CAMK1D: variants seen among roughly 807,000 people sequenced by gnomAD.
The protein encoded by CAMK1D is calcium/calmodulin-dependent protein kinase type 1D.
Under a neutral mutation model 47.7 loss-of-function variants are expected in CAMK1D, and 9 were observed. The observed-to-expected ratio is 0.19, with a 90% CI of 0.11 to 0.33. CAMK1D has a LOEUF of 0.33. CAMK1D is among the 10% of genes least tolerant of loss of function. The probability of loss-of-function intolerance (pLI) is 1.00; values close to 1 mark genes in which losing one functional copy is unlikely to be tolerated. For missense variants in CAMK1D, 291 were observed against 488.7 expected, an observed-to-expected ratio of 0.60 and a Z score of 3.81; for synonymous variants, 184 against 184.9, an observed-to-expected ratio of 0.99 and a Z score of 0.04.
At chr10:12,828,682 A>AAC in intron 10 of CAMK1D, 87 bp from the exon 11 acceptor site, 1 of 1,098,694 alleles carries the variant, frequency 9.1e-7, no homozygotes, top group Non-Finnish European at 1.4e-6. Flanking sequence ...CCCACCATAA[A>AAC]CCCAGCCCCT....
intron 1 of CAMK1D, among the ~76,000 whole-genome samples, chr10:12,535,182 A>G (rs182723304): frequency 2.0e-5 from 3 of 152,234 alleles, no homozygotes; most frequent in Non-Finnish European, 1.5e-5. Flanking sequence ...GCCTGCTCTC[A>G]GTTGCCCACC....
At chr10:12,523,961 G>A (rs1342638355) in intron 1 of CAMK1D, among the ~76,000 whole-genome samples, 1 of 151,634 alleles carries the variant, frequency 6.6e-6, no homozygotes, top group Non-Finnish European at 1.5e-5. Flanking sequence ...GCGCGATCTC[G>A]GCTCACTGCA....
At chr10:12,434,714 G>A (rs185495653) in intron 1 of CAMK1D, among the ~76,000 whole-genome samples, 6 of 152,172 alleles carry the variant, frequency 3.9e-5, no homozygotes, top group Non-Finnish European at 5.9e-5. Context: ...TACTCTGAAC[G>A]GTGTGTAAAT....
chr10:12,648,256 G>T (rs538666713), intron 2 of CAMK1D, among the ~76,000 whole-genome samples: 28 of 152,210 alleles, frequency 1.8e-4, no homozygotes, highest in Non-Finnish European at 3.5e-4. Flanking sequence ...CTAGAATATT[G>T]GTTTCCAGAT....
At chr10:12,470,268 T>A (rs1833706046) in intron 1 of CAMK1D, among the ~76,000 whole-genome samples, 1 of 152,218 alleles carries the variant, frequency 6.6e-6, no homozygotes, top group Non-Finnish European at 1.5e-5. Flanking sequence ...CATTCCTTTG[T>A]ATGATATATA....
At chr10:12,700,147 AAC>A (rs1483411412) in intron 3 of CAMK1D, among the ~76,000 whole-genome samples, 2 of 152,194 alleles carry the variant, frequency 1.3e-5, no homozygotes, top group Non-Finnish European at 2.9e-5. Flanking sequence ...AAGCTTACAT[AAC>A]ACACATATTT....
chr10:12,484,110 A>G (rs1012481313), intron 1 of CAMK1D, among the ~76,000 whole-genome samples: 5 of 152,106 alleles, frequency 3.3e-5, no homozygotes, highest in Non-Finnish European at 7.4e-5. Flanking sequence ...TGGCGTTCCA[A>G]ATGCTTCACT....
At chr10:12,696,691 A>G (rs981765453) in intron 3 of CAMK1D, among the ~76,000 whole-genome samples, 2 of 152,238 alleles carry the variant, frequency 1.3e-5, no homozygotes, top group African/African-American at 4.8e-5. Flanking sequence ...TTACTGGCGG[A>G]ATTCTACCTG....
At chr10:12,743,750 C>T (rs746337616) in intron 3 of CAMK1D, among the ~76,000 whole-genome samples, 7 of 152,164 alleles carry the variant, frequency 4.6e-5, no homozygotes, top group Non-Finnish European at 8.8e-5. Flanking sequence ...GGGCCAGGTG[C>T]AGTGGCTCAC....
intron 1 of CAMK1D, among the ~76,000 whole-genome samples, chr10:12,378,689 A>AT (rs1838254224): frequency 6.6e-6 from 1 of 151,336 alleles, no homozygotes; most frequent in Non-Finnish European, 1.5e-5. Flanking sequence ...AGTGACTAAA[A>AT]TTTTCTTAGG....
chr10:12,495,438 G>T (rs889494300), intron 1 of CAMK1D, among the ~76,000 whole-genome samples: 1 of 152,166 alleles, frequency 6.6e-6, no homozygotes, highest in South Asian at 2.1e-4. Flanking sequence ...TGCCTTTTCC[G>T]ATGATCTAAG....
intron 3 of CAMK1D, among the ~76,000 whole-genome samples, chr10:12,751,116 GATA>G (rs1835957240): frequency 7.8e-5 from 7 of 89,698 alleles, no homozygotes; most frequent in Admixed American, 5.8e-4. Flanking sequence ...GATAAGATAA[GATA>G]AGATAAGAAG....
At chr10:12,504,444 A>T (rs1834809183) in intron 1 of CAMK1D, among the ~76,000 whole-genome samples, 1 of 152,168 alleles carries the variant, frequency 6.6e-6, no homozygotes. Context: ...AAGAAGAGAA[A>T]GTGAAGTCGC....
chr10:12,442,114 A>C (rs187698302), intron 1 of CAMK1D, among the ~76,000 whole-genome samples: 2 of 152,352 alleles, frequency 1.3e-5, no homozygotes, highest in East Asian at 3.9e-4. Context: ...ATTCAAATGG[A>C]CCAAAACTCA....
At chr10:12,802,951 C>T (rs755832964) in intron 6 of CAMK1D, among the ~76,000 whole-genome samples, 6 of 152,134 alleles carry the variant, frequency 3.9e-5, no homozygotes, top group Non-Finnish European at 7.3e-5. Context: ...GTGGTGTTTC[C>T]CCATCTTTGC....
At position 12,349,764 on chromosome 10, in the gene CAMK1D, G is replaced by T. The variant is rs914534147; in HGVS notation, c.-55G>T. The T allele has an allele frequency of 4.8e-6, 4 of 836,366 alleles. No homozygotes were observed. The African/African-American group carries it at 7.5e-5, about 16-fold the overall frequency. 51.8% of individuals were successfully genotyped at this position (836,366 alleles called of 1,614,324 possible). On this transcript the variant is annotated 5_prime_UTR_variant, in exon 1 of 11. Coordinates refer to ENST00000619168, the MANE Select transcript of CAMK1D (RefSeq NM_153498.4). ...GCCTCTGCGCCCGCGCCGCGCCCCC[G>T]GCGCCCCCTCCCCAGCGCGCCCCCG...
chr10:12,554,141 C>T (rs1163880611), intron 2 of CAMK1D, among the ~76,000 whole-genome samples: 2 of 151,884 alleles, frequency 1.3e-5, no homozygotes, highest in Admixed American at 6.6e-5. Context: ...CTCCCCTCCC[C>T]TTTGCTCCCC....
At chr10:12,353,083 T>C (rs1837400323) in intron 1 of CAMK1D, among the ~76,000 whole-genome samples, 1 of 152,158 alleles carries the variant, frequency 6.6e-6, no homozygotes, top group Non-Finnish European at 1.5e-5. Context: ...AGATGCCTGC[T>C]CCACCCTGGG....
At chr10:12,754,520 T>C (rs1269546075) in intron 3 of CAMK1D, among the ~76,000 whole-genome samples, 1 of 152,208 alleles carries the variant, frequency 6.6e-6, no homozygotes, top group African/African-American at 2.4e-5. Flanking sequence ...GAATGTATAT[T>C]CAAAGACACA....
Sources: gnomAD v4.1 joint callset for allele counts (sites outside exome capture counted in the v4.1 genomes callset) on GRCh38, gnomAD v4.1.1 for gene constraint, MANE v1.5 for transcripts, NCBI Gene and HGNC (gene_info 2026-07-23, HGNC 2026-07-21) for gene names.